The following NEMP2 variants were observed in gnomAD, a reference collection of about 807,000 sequenced individuals.
The protein encoded by NEMP2 is nuclear envelope integral membrane protein 2.
Under a neutral mutation model 54.2 loss-of-function variants are expected in NEMP2, and 53 were observed. The ratio of observed to expected loss-of-function variants is 0.98; its 90% CI spans 0.78 to 1.23. The LOEUF (loss-of-function observed/expected upper bound fraction) is 1.23. NEMP2 is among the 50% of genes most tolerant of loss of function. The pLI, the probability that NEMP2 is intolerant of heterozygous loss-of-function variation, is 0.00. For missense variants in NEMP2, 455 were observed against 511.3 expected (o/e 0.89, Z 1.06); for synonymous variants, 197 against 190.3 (o/e 1.04, Z -0.29).
chr2:190,437,028 G>T, the NEMP2 span: 1 of 1,614,218 alleles, frequency 6.2e-7, no homozygotes, highest in Non-Finnish European at 8.5e-7. This position sits in a 1 kb window ranked among gnomAD's most constrained non-coding sequence, Gnocchi z 5.9. Flanking sequence ...GGGGCTCCCT[G>T]GGCTGGGGCC....
the NEMP2 span, among the ~76,000 whole-genome samples, chr2:190,601,982 T>TA: frequency 1.3e-5 from 2 of 152,220 alleles, no homozygotes; most frequent in South Asian, 4.1e-4. The surrounding 1 kb of genome is among the most constrained non-coding windows in gnomAD (Gnocchi z 5.8). Flanking sequence ...GACTCTTAGT[T>TA]ACAGGTGATG....
rs538613442 is a variant in NEMP2, at chr2:190,512,358, C to T, written c.954-1821G>A. 2.5e-3 allele frequency among the ~76,000 whole-genome samples: 375 copies of T among 152,108 alleles called. 2 individuals are homozygous for T. Among genetic ancestry groups the T allele is most frequent in the African/African-American group, 8.4e-3 (348 of 41,490 alleles). ...CTGTAAGTGGCCTATAGTAGGTGTT[C>T]AATAAGGATAATCAAAAGAGTAGTT... On this transcript the variant is annotated intron_variant, in intron 7 of 8. Transcript: ENST00000409150. The surrounding 1 kb of genome is among the most constrained non-coding windows in gnomAD (Gnocchi z 4.5).
chr2:190,534,899 A>G (rs1430187515), upstream of NEMP2: 5 of 356,468 alleles, frequency 1.4e-5, no homozygotes, highest in Non-Finnish European at 2.5e-5. Flanking sequence ...CCCCGCTGGC[A>G]TGCTCCCGGC....
rs1327506047 is a variant in NEMP2, at chr2:190,507,649, G to A, written c.*1540C>T. 6.6e-6 allele frequency: 1 copy of A among 151,808 alleles called. No homozygotes were observed. The highest frequency in any genetic ancestry group is 1.9e-4 in the East Asian group (1 of 5,194). 9.4% of individuals were successfully genotyped at this position (151,808 alleles called of 1,614,324 possible). A position where few individuals can be genotyped will look rare whatever the true frequency, so the allele number is the denominator to read the frequency against. ...TATATAAAGGCAGATTAACTTTAGT[G>A]GATATTACAAAAAAAAAAGTTCCCA... is the stretch of plus-strand genomic sequence containing the variant. On this transcript the variant is annotated 3_prime_UTR_variant, in exon 9 of 9. Transcript: ENST00000409150. The surrounding 1 kb of genome is among the most constrained non-coding windows in gnomAD (Gnocchi z 4.4).
the NEMP2 span, among the ~76,000 whole-genome samples, chr2:190,549,779 T>C: frequency 6.6e-6 from 1 of 152,202 alleles, no homozygotes; most frequent in Non-Finnish European, 1.5e-5. Flanking sequence ...GTATGGTTCC[T>C]TCCCTAGACA....
Position 190,519,128 on chromosome 2 carries a change from T to C in NEMP2, c.269A>G (p.Asn90Ser), listed in dbSNP as rs757547291. ...FRIVYIAERH[N>S]CQYPENILSF... ...TAGAATGTTTTCTGGATATTGGCAATTATGTCTTTCTGCGATATATACAAT... is the reference window on the plus strand; with the variant it reads ...TAGAATGTTTTCTGGATATTGGCAACTATGTCTTTCTGCGATATATACAAT... The change falls in exon 3 of 9, where the codon AAT becomes AGT. Residue 90 changes from asparagine to serine, a missense_variant. Transcript: ENST00000409150. This position sits in a 1 kb window ranked among gnomAD's most constrained non-coding sequence, Gnocchi z 5.4. The C allele has an allele frequency of 1.3e-6, 2 of 1,551,080 alleles. No homozygotes were observed. The highest frequency in any genetic ancestry group is 2.4e-5 in the South Asian group (2 of 84,064).
At chr2:190,544,741 G>A in the NEMP2 span, among the ~76,000 whole-genome samples, 1 of 151,938 alleles carries the variant, frequency 6.6e-6, no homozygotes, top group African/African-American at 2.4e-5. Context: ...GCATCTAAGA[G>A]TACATTTAAG....
chr2:190,635,507 C>T, the NEMP2 span, among the ~76,000 whole-genome samples: 6 of 152,106 alleles, frequency 3.9e-5, no homozygotes, highest in African/African-American at 9.7e-5. This position sits in a 1 kb window ranked among gnomAD's most constrained non-coding sequence, Gnocchi z 4.1. Flanking sequence ...TGAGCCACTG[C>T]GTCTGGTCTT....
the NEMP2 span, among the ~76,000 whole-genome samples, chr2:190,558,287 A>G: frequency 1.1e-4 from 17 of 152,272 alleles, 1 homozygote; most frequent in East Asian, 3.1e-3. The surrounding 1 kb of genome is among the most constrained non-coding windows in gnomAD (Gnocchi z 4.4). Context: ...ACACATGGAC[A>G]CAGGGAGGGG....
chr2:190,553,078 G>A, the NEMP2 span, among the ~76,000 whole-genome samples: 1 of 151,560 alleles, frequency 6.6e-6, no homozygotes, highest in East Asian at 1.9e-4. Flanking sequence ...GGTTTTCCTG[G>A]AAAAGCTGCT....
chr2:190,461,225 T>G, the NEMP2 span, among the ~76,000 whole-genome samples: 1 of 152,216 alleles, frequency 6.6e-6, no homozygotes, highest in Admixed American at 6.5e-5. The surrounding 1 kb of genome is among the most constrained non-coding windows in gnomAD (Gnocchi z 5.5). Flanking sequence ...ACACATCATT[T>G]AATGGGTCTG....
the NEMP2 span, chr2:190,469,748 T>TTTTTA: frequency 7.0e-7 from 1 of 1,436,244 alleles, no homozygotes; most frequent in Non-Finnish European, 9.2e-7. This position sits in a 1 kb window ranked among gnomAD's most constrained non-coding sequence, Gnocchi z 5.3. Context: ...TATTTTTTAT[T>TTTTTA]TTTTTTTAGG....
Position 190,518,741 on chromosome 2 carries a change from C to T in NEMP2, c.513G>A (p.Leu171=). The T allele has an allele frequency of 6.5e-7, 1 of 1,540,252 alleles. No homozygotes were observed. Among genetic ancestry groups the T allele is most frequent in the Non-Finnish European group, 8.7e-7 (1 of 1,143,856 alleles). ...ATATAAAAAGGAATACTTACTGACT[C>T]AGGGTCCTTGCATAAAAGAAAAGAA... ...GVFLFFYART[L]SQSPTFYYSS... Residue 171 remains leucine, a synonymous_variant, in exon 4 of 9, where the codon CTG becomes CTA. Coordinates refer to ENST00000409150, the MANE Select transcript of NEMP2 (RefSeq NM_001142645.2).
the NEMP2 span, among the ~76,000 whole-genome samples, chr2:190,616,688 G>A: frequency 0.014 from 2,118 of 152,232 alleles, 42 homozygotes; most frequent in African/African-American, 0.046. This position sits in a 1 kb window ranked among gnomAD's most constrained non-coding sequence, Gnocchi z 5.1. Flanking sequence ...CACAGATACA[G>A]GACTCATGCT....
chr2:190,550,754 T>G, the NEMP2 span, among the ~76,000 whole-genome samples: 176 of 152,352 alleles, frequency 1.2e-3, no homozygotes, highest in Non-Finnish European at 2.1e-3. This position sits in a 1 kb window ranked among gnomAD's most constrained non-coding sequence, Gnocchi z 4.7. Context: ...CTGTCTTTAA[T>G]GTATACCATC....
At chr2:190,468,303 C>T in the NEMP2 span, among the ~76,000 whole-genome samples, 1 of 152,154 alleles carries the variant, frequency 6.6e-6, no homozygotes. Flanking sequence ...TATCTGTTGC[C>T]TATTTCATCC....
chr2:190,643,172 A>G, the NEMP2 span, among the ~76,000 whole-genome samples: 1 of 152,136 alleles, frequency 6.6e-6, no homozygotes, highest in Non-Finnish European at 1.5e-5. Flanking sequence ...AGTATAACAC[A>G]TAGTTGCTCC....
chr2:190,606,227 C>T, the NEMP2 span, among the ~76,000 whole-genome samples: 1 of 152,140 alleles, frequency 6.6e-6, no homozygotes, highest in Admixed American at 6.5e-5. Flanking sequence ...CTTTTAGATT[C>T]CCAGTGACCT....
chr2:190,436,837 T>A, the NEMP2 span: 1 of 1,614,224 alleles, frequency 6.2e-7, no homozygotes, highest in South Asian at 1.1e-5. The surrounding 1 kb of genome is among the most constrained non-coding windows in gnomAD (Gnocchi z 5.3). Flanking sequence ...CACCAAATCT[T>A]TACCTTCTGA....
Sources: gnomAD v4.1 joint callset for allele counts (sites outside exome capture counted in the v4.1 genomes callset) on GRCh38, gnomAD v4.1.1 for gene constraint, Gnocchi (gnomAD v3.1) non-coding constraint, MANE v1.5 for transcripts, NCBI Gene and HGNC (gene_info 2026-07-23, HGNC 2026-07-21) for gene names.